SMC6: variants seen among roughly 807,000 people sequenced by gnomAD.
SMC6 encodes the protein structural maintenance of chromosomes 6.
SMC6 carries 79 observed loss-of-function variants against 142.2 expected under a neutral mutation model. The ratio of observed to expected loss-of-function variants is 0.56; its 90% CI spans 0.46 to 0.67. The LOEUF (loss-of-function observed/expected upper bound fraction) is 0.67. SMC6 is among the 30% of genes least tolerant of loss of function. The pLI is 0.00. For missense variants in SMC6, 1,072 were observed against 1,284.0 expected, an observed-to-expected ratio of 0.83 and a Z score of 2.52; for synonymous variants, 411 against 412.4, an observed-to-expected ratio of 1.00 and a Z score of 0.04.
chr2:17,704,338 A>G (rs17315332), intron 18 of SMC6, among the ~76,000 whole-genome samples: 46 of 152,344 alleles, frequency 3.0e-4, no homozygotes, highest in African/African-American at 1.0e-3. Context: ...GTTGGTGAAT[A>G]AACGCAACAA....
rs539254965 is a variant in SMC6 at position 17,695,213 on chromosome 2, G to A, written c.2617C>T (p.Arg873Ter). Residue 873 changes from arginine (R) to a stop codon, truncating the protein, a stop_gained, in exon 23 of 28, where the codon CGA (arginine) becomes TGA (stop). Coordinates refer to ENST00000448223, the MANE Select transcript of SMC6 (RefSeq NM_001142286.2). LOFTEE classifies it high-confidence loss of function. ...TCTGCCTGTATCTTCTGCCTTAATC[G>A]ATTAATTTCTTTGTCCAGAATTGAT... is the stretch of plus-strand genomic sequence containing the variant. ...SASILDKEIN[R>*]LRQKIQAEHA... 4 of 1,613,480 alleles carry A rather than the reference G, an allele frequency of 2.5e-6. No individual in the cohort carries two copies. The highest frequency in any genetic ancestry group is 1.1e-5 in the South Asian group (1 of 91,046).
chr2:17,719,495 C>A (rs1040284776), intron 11 of SMC6, among the ~76,000 whole-genome samples: 10 of 152,054 alleles, frequency 6.6e-5, no homozygotes, highest in African/African-American at 1.4e-4. Flanking sequence ...GAGAAAAAGG[C>A]CTACAAAAGT....
At position 17,663,868 on chromosome 2, in the gene SMC6, T is replaced by C. The variant is rs1666381874; in HGVS notation, c.*1631A>G. 6.6e-6 allele frequency: 1 copy of C among 152,252 alleles called. No homozygotes were observed. Among genetic ancestry groups the C allele is most frequent in the South Asian group, 2.1e-4 (1 of 4,832 alleles). The allele number at this position is 152,252 out of a possible 1,614,324, so 9.4% of individuals were successfully genotyped here. A position where few individuals can be genotyped will look rare whatever the true frequency, so the allele number is the denominator to read the frequency against. ...GTTACACATATTTTAAAAGAACAAT[T>C]TCTTTTTATTCTTTCATTCTAGTAA... On this transcript the variant is annotated 3_prime_UTR_variant, in exon 28 of 28. Coordinates refer to ENST00000448223, the MANE Select transcript of SMC6 (RefSeq NM_001142286.2).
In SMC6 at chr2:17,745,606, T is replaced by C. The variant is rs565912758; in HGVS notation, c.120+221A>G. On this transcript the variant is annotated intron_variant, in intron 3 of 27. Coordinates refer to ENST00000448223, the MANE Select transcript of SMC6 (RefSeq NM_001142286.2). ...TGCATTTCTTGGTCTTACTAAAAGT[T>C]TGTCAATTTTATTCACATTTCTATA... 1.4e-4 allele frequency among the ~76,000 whole-genome samples: 21 copies of C among 152,330 alleles called. 1 individual carries two copies. Among genetic ancestry groups the C allele is most frequent in the Non-Finnish European group, 2.2e-4 (15 of 68,020 alleles).
At chr2:17,740,827 G>A in intron 4 of SMC6, 1 of 291,828 alleles carries the variant, frequency 3.4e-6, no homozygotes, top group Non-Finnish European at 6.9e-6. Context: ...TCCAACCTGG[G>A]CGATAGAGGG....
At chr2:17,724,565 T>C (rs188909845) in intron 9 of SMC6, among the ~76,000 whole-genome samples, 20 of 152,360 alleles carry the variant, frequency 1.3e-4, no homozygotes, top group African/African-American at 4.6e-4. Context: ...ACAGCTATAA[T>C]GTAAGCCTTA....
intron 23 of SMC6, among the ~76,000 whole-genome samples, chr2:17,690,614 A>T (rs1240494631): frequency 6.6e-6 from 1 of 151,864 alleles, no homozygotes; most frequent in Non-Finnish European, 1.5e-5. Flanking sequence ...CAAAAAAACC[A>T]AAAAAACAAA....
At chr2:17,681,699 G>T (rs2710661) in intron 24 of SMC6, 2 of 151,908 alleles carry the variant, frequency 1.3e-5, no homozygotes, top group Non-Finnish European at 2.9e-5. Flanking sequence ...TCTTATATGG[G>T]CAGTCTGTGG....
intron 22 of SMC6, 141 bp downstream of exon 22, chr2:17,696,148 C>G: frequency 1.1e-5 from 11 of 1,027,210 alleles, no homozygotes; most frequent in South Asian, 1.8e-5. Context: ...TCTGTTGATT[C>G]ACCCAAACAC....
In SMC6 at chr2:17,696,410, G is replaced by A; in HGVS notation, c.2411C>T (p.Ala804Val). 4 of 1,606,430 alleles carry A rather than the reference G, an allele frequency of 2.5e-6. No individual in the cohort carries two copies. Among genetic ancestry groups the A allele is most frequent in the Non-Finnish European group, 3.4e-6 (4 of 1,178,458 alleles). ...TTTTTGGTTATCCACTTCAGAATCA[G>A]CAAGGTTTAATTCATCCTGTTTGAA... ...ADPLKDELNL[A>V]DSEVDNQKRG... The change falls in exon 22 of 28, where the codon GCT (alanine) becomes GTT (valine). Residue 804 changes from alanine to valine, a missense_variant. By Grantham distance (64) the Ala-to-Val change is moderately conservative. Transcript: ENST00000448223.
chr2:17,706,540 T>C (rs1288680450), intron 18 of SMC6, among the ~76,000 whole-genome samples: 1 of 151,920 alleles, frequency 6.6e-6, no homozygotes, highest in Non-Finnish European at 1.5e-5. Flanking sequence ...TCAGTTGTCT[T>C]AGATATTTCT....
chr2:17,676,602 A>G (rs1232538971), intron 25 of SMC6, among the ~76,000 whole-genome samples: 4 of 152,150 alleles, frequency 2.6e-5, no homozygotes, highest in Admixed American at 6.5e-5. Context: ...CATTTTAATG[A>G]AAATTGAGTT....
At chr2:17,682,498 C>T (rs1273907430) in intron 24 of SMC6, among the ~76,000 whole-genome samples, 3 of 152,202 alleles carry the variant, frequency 2.0e-5, no homozygotes, top group Non-Finnish European at 4.4e-5. Flanking sequence ...AAGGGTTCTG[C>T]TCCAGTCTTG....
chr2:17,749,471 C>G (rs1168892119), intron 2 of SMC6, among the ~76,000 whole-genome samples: 1 of 152,238 alleles, frequency 6.6e-6, no homozygotes, highest in Admixed American at 6.5e-5. Flanking sequence ...AGGCGGATCA[C>G]GAGGTCAGGA....
At chr2:17,682,387 C>CA (rs1470945636) in intron 24 of SMC6, among the ~76,000 whole-genome samples, 1 of 152,174 alleles carries the variant, frequency 6.6e-6, no homozygotes, top group Non-Finnish European at 1.5e-5. Context: ...TCTTCACCGA[C>CA]AGAGGACAAA....
intron 7 of SMC6, among the ~76,000 whole-genome samples, chr2:17,728,531 G>A (rs1669744540): frequency 6.6e-6 from 1 of 151,668 alleles, no homozygotes; most frequent in African/African-American, 2.4e-5. Context: ...GCAAAACCCA[G>A]TCTCTAAAAT....
At chr2:17,708,812 T>G in intron 16 of SMC6, 59 bp from the exon 17 acceptor site, 1 of 602,560 alleles carries the variant, frequency 1.7e-6, no homozygotes, top group Non-Finnish European at 2.4e-6. Flanking sequence ...AATATATACA[T>G]ATGAAAATTG....
intron 15 of SMC6, 62 bp downstream of exon 15, chr2:17,716,024 G>A (rs927131057): frequency 1.3e-4 from 162 of 1,280,554 alleles, no homozygotes; most frequent in Admixed American, 1.5e-4. Context: ...TCATTCAATC[G>A]TTCTGAAAAT....
intron 26 of SMC6, 150 bp downstream of exon 26, chr2:17,670,273 T>C (rs2103468648): frequency 1.3e-6 from 1 of 770,570 alleles, no homozygotes; most frequent in East Asian, 3.0e-5. Flanking sequence ...TCTAGTTCTT[T>C]AGTTCTTCCC....
Sources: gnomAD v4.1 joint callset for allele counts (sites outside exome capture counted in the v4.1 genomes callset) on GRCh38, gnomAD v4.1.1 for gene constraint, MANE v1.5 for transcripts, NCBI Gene and HGNC (gene_info 2026-07-23, HGNC 2026-07-21) for gene names.